The following CACNA2D1 variants were observed in gnomAD, a reference collection of about 807,000 sequenced individuals.
CACNA2D1 encodes the protein calcium voltage-gated channel auxiliary subunit alpha2delta 1.
In CACNA2D1, 53 loss-of-function variants were observed where a neutral mutation model predicts 171.5. The observed-to-expected ratio is 0.31, with a 90% confidence interval of 0.25 to 0.39. CACNA2D1 has a LOEUF of 0.39. Among genes scored for constraint, CACNA2D1 ranks in the 10% least tolerant of loss-of-function variants. The pLI, the probability that CACNA2D1 is intolerant of heterozygous loss-of-function variation, is 1.00. For synonymous variants in CACNA2D1, 442 were observed against 443.1 expected (o/e 1.00, Z 0.03); for missense variants, 903 against 1,299.8 (o/e 0.69, Z 4.69).
chr7:82,024,092 ATT>A (rs759874479), intron 12 of CACNA2D1, among the ~76,000 whole-genome samples: 2 of 151,688 alleles, frequency 1.3e-5, no homozygotes, highest in Non-Finnish European at 3.0e-5. Flanking sequence ...CATCTAGGCT[ATT>A]TTGAATAGTG....
rs71093376 is a variant in CACNA2D1 at position 82,366,903 on chromosome 7, C to CTTTT, written c.96-17258_96-17255dup. Among the ~76,000 whole-genome samples the CTTTT allele has an allele frequency of 2.5e-3, 214 of 86,942 alleles. 12 individuals are homozygous for CTTTT. Among genetic ancestry groups the CTTTT allele is most frequent in the Non-Finnish European group, 3.3e-3 (145 of 43,342 alleles). The allele number at this position is 86,942 out of a possible 152,430, so 57.0% of individuals were successfully genotyped here. A position where few individuals can be genotyped will look rare whatever the true frequency, so the allele number is the denominator to read the frequency against. On this transcript the variant is annotated intron_variant, in intron 1 of 38. Transcript: ENST00000356860. ...CCTGCCAGCATCCACTGGTTTTGACCTTTTTTTTTTTTTTTTTTTTTTTGA... is the reference window on the plus strand; with the variant it reads ...CCTGCCAGCATCCACTGGTTTTGACCTTTTTTTTTTTTTTTTTTTTTTTTTTTGA...
rs972269696 is a variant in CACNA2D1, at chr7:82,048,942, C to G, written c.880-10707G>C. Among the ~76,000 whole-genome samples, 10 of 151,974 alleles carry G rather than the reference C, an allele frequency of 6.6e-5. No individual in the cohort carries two copies. The East Asian group carries it at 1.9e-3, about 29-fold the overall frequency. On this transcript the variant is annotated intron_variant, in intron 10 of 38. Coordinates refer to ENST00000356860, the MANE Select transcript of CACNA2D1 (RefSeq NM_000722.4). ...TAGTTCAGTTTAGAATAAAATTATT[C>G]CCTTTGCCTCACCCTGAATATTACT... is the stretch of plus-strand genomic sequence containing the variant.
chr7:82,204,426 G>T (rs756104569), intron 3 of CACNA2D1, among the ~76,000 whole-genome samples: 2 of 152,180 alleles, frequency 1.3e-5, no homozygotes, highest in Admixed American at 6.5e-5. Context: ...GTATGCGGAT[G>T]AACGGTAACC....
intron 1 of CACNA2D1, among the ~76,000 whole-genome samples, chr7:82,432,271 T>G (rs1829750163): frequency 6.6e-6 from 1 of 152,168 alleles, no homozygotes; most frequent in African/African-American, 2.4e-5. Flanking sequence ...CCCTAACTCT[T>G]CTTATCTCTT....
At chr7:82,054,618 C>G (rs573892931) in intron 10 of CACNA2D1, among the ~76,000 whole-genome samples, 71 of 152,320 alleles carry the variant, frequency 4.7e-4, no homozygotes, top group African/African-American at 1.7e-3. Flanking sequence ...ATCCTTGTCT[C>G]AGTGACTATT....
intron 4 of CACNA2D1, among the ~76,000 whole-genome samples, chr7:82,147,660 G>C (rs1793301252): frequency 6.6e-6 from 1 of 152,174 alleles, no homozygotes; most frequent in African/African-American, 2.4e-5. Flanking sequence ...CTTAGCAAGA[G>C]AGCTGTTAAT....
intron 12 of CACNA2D1, among the ~76,000 whole-genome samples, chr7:82,023,248 G>T (rs972964052): frequency 4.0e-5 from 6 of 151,854 alleles, no homozygotes; most frequent in Non-Finnish European, 8.8e-5. Flanking sequence ...TAAAGCAAAT[G>T]TATTTTAATT....
intron 11 of CACNA2D1, 37 bp from the exon 12 acceptor site, chr7:82,032,938 T>C (rs1042139983): frequency 2.8e-6 from 3 of 1,077,536 alleles, no homozygotes; most frequent in African/African-American, 3.1e-5. Context: ...AATATGCGTA[T>C]TATTCACAAT....
At chr7:82,330,296 A>C (rs1817158119) in intron 3 of CACNA2D1, among the ~76,000 whole-genome samples, 1 of 152,256 alleles carries the variant, frequency 6.6e-6, no homozygotes, top group South Asian at 2.1e-4. Context: ...ATTCAAAAAT[A>C]TTATAAAAGA....
At chr7:82,222,476 G>A (rs553341850) in intron 3 of CACNA2D1, among the ~76,000 whole-genome samples, 8 of 152,276 alleles carry the variant, frequency 5.3e-5, no homozygotes, top group African/African-American at 1.4e-4. Flanking sequence ...TTGAGCCACA[G>A]GAAAGTCTTC....
intron 10 of CACNA2D1, among the ~76,000 whole-genome samples, chr7:82,055,680 G>A (rs1805760629): frequency 7.0e-6 from 1 of 143,714 alleles, no homozygotes; most frequent in Non-Finnish European, 1.5e-5. Context: ...ACCAAACACT[G>A]CATGTTCTCA....
chr7:82,412,825 G>A (rs1827816022), intron 1 of CACNA2D1, among the ~76,000 whole-genome samples: 1 of 151,904 alleles, frequency 6.6e-6, no homozygotes, highest in African/African-American at 2.4e-5. Flanking sequence ...TATTTAGAGT[G>A]AACATTATAC....
chr7:81,961,848 AC>A (rs767769534), intron 36 of CACNA2D1, 45 bp downstream of exon 36: 7 of 712,136 alleles, frequency 9.8e-6, no homozygotes, highest in Middle Eastern at 3.3e-4. Context: ...AACAGTATAT[AC>A]AATTTCTTAA....
intron 10 of CACNA2D1, among the ~76,000 whole-genome samples, chr7:82,044,649 C>T (rs981277148): frequency 6.6e-6 from 1 of 151,966 alleles, no homozygotes; most frequent in Non-Finnish European, 1.5e-5. Context: ...AGTACAAACA[C>T]AAATTATGGT....
Position 82,084,348 on chromosome 7 carries a change from C to T in CACNA2D1, c.658+421G>A, listed in dbSNP as rs556425737. Among the ~76,000 whole-genome samples, 43 of 152,248 alleles carry T rather than the reference C, an allele frequency of 2.8e-4. 1 individual carries two copies. The East Asian group carries it at 3.5e-3, about 12-fold the overall frequency. On this transcript the variant is annotated intron_variant, in intron 7 of 38. Coordinates refer to ENST00000356860, the MANE Select transcript of CACNA2D1 (RefSeq NM_000722.4). ...TGTCCTACTCATTTTAACAGATCCA[C>T]GTCTACTGATTAAACACATTAAACT...
chr7:82,437,988 A>G (rs1027102032), intron 1 of CACNA2D1, among the ~76,000 whole-genome samples: 5 of 152,226 alleles, frequency 3.3e-5, no homozygotes, highest in African/African-American at 1.2e-4. Context: ...AATAGGTGCC[A>G]ACATTTCAAA....
rs1431286841 is a variant in CACNA2D1 at position 81,949,555 on chromosome 7, C to A, written c.*837G>T. The A allele has an allele frequency of 6.6e-6, 1 of 152,134 alleles. No individual in the cohort carries two copies. Among genetic ancestry groups the A allele is most frequent in the Non-Finnish European group, 1.5e-5 (1 of 68,040 alleles). 9.4% of individuals were successfully genotyped at this position (152,134 alleles called of 1,614,324 possible). On this transcript the variant is annotated 3_prime_UTR_variant, in exon 39 of 39. Coordinates refer to ENST00000356860, the MANE Select transcript of CACNA2D1 (RefSeq NM_000722.4). ...CAAGAAAAACATTTCCCCCTCCCCCCTGACAAGCTTTTCTTAGAGCATTTT... is the reference window on the plus strand; with the variant it reads ...CAAGAAAAACATTTCCCCCTCCCCCATGACAAGCTTTTCTTAGAGCATTTT...
chr7:82,410,496 T>G, intron 1 of CACNA2D1: 1 of 985,284 alleles, frequency 1.0e-6, no homozygotes, highest in Non-Finnish European at 1.2e-6. Context: ...AGTAGAAAAA[T>G]TACCTCTTTC....
chr7:82,039,259 A>AC (rs1803667118), intron 10 of CACNA2D1, among the ~76,000 whole-genome samples: 1 of 87,402 alleles, frequency 1.1e-5, no homozygotes, highest in Non-Finnish European at 2.5e-5. Context: ...ATAATTCATC[A>AC]TTTTTTTCTC....
Sources: gnomAD v4.1 joint callset for allele counts (sites outside exome capture counted in the v4.1 genomes callset) on GRCh38, gnomAD v4.1.1 for gene constraint, MANE v1.5 for transcripts, NCBI Gene and HGNC (gene_info 2026-07-23, HGNC 2026-07-21) for gene names.